ZSCAN21: variants seen among roughly 807,000 people sequenced by gnomAD.
The protein encoded by ZSCAN21 is zinc finger and SCAN domain-containing protein 21.
A neutral mutation model predicts 35.6 loss-of-function variants in ZSCAN21; 26 were observed. That is an observed-to-expected ratio of 0.73 (90% CI 0.54 to 1.01). The LOEUF is 1.01. Ranked by LOEUF, ZSCAN21 falls within the 50% of genes least tolerant of loss-of-function variation. The pLI, the probability that ZSCAN21 is intolerant of heterozygous loss-of-function variation, is 0.00. For synonymous variants in ZSCAN21, 219 were observed against 219.3 expected (o/e 1.00, Z 0.01); for missense variants, 593 against 587.1 (o/e 1.01, Z -0.10).
At position 100,057,167 on chromosome 7, in the gene ZSCAN21, A is replaced by G. The variant is rs1460332312; in HGVS notation, c.161A>G (p.His54Arg). 2.5e-6 allele frequency: 4 copies of G among 1,613,912 alleles called. No homozygotes were observed. The highest frequency in any genetic ancestry group is 3.4e-6 in the Non-Finnish European group (4 of 1,180,038). Reference protein sequence around the residue: ...FRQRFRQFGYHDTPGPREALS... With the variant: ...FRQRFRQFGYRDTPGPREALS... ...CAGCGCTTCAGGCAGTTTGGGTACC[A>G]TGATACCCCTGGACCCCGAGAGGCC... is the stretch of plus-strand genomic sequence containing the variant. The change falls in exon 2 of 4, where the codon CAT (histidine) becomes CGT (arginine). Residue 54 changes from histidine (H) to arginine (R), a missense_variant. Coordinates refer to ENST00000292450, the MANE Select transcript of ZSCAN21 (RefSeq NM_145914.3).
chr7:100,057,143 A>G lies in ZSCAN21; in HGVS notation c.137A>G (p.Gln46Arg), dbSNP rs750102855. Residue 46 changes from glutamine (Q) to arginine (R), a missense_variant, in exon 2 of 4, where the codon CAG becomes CGG. Physicochemically the swap from Gln to Arg is conservative, Grantham distance 43 (BLOSUM62 1). Coordinates refer to ENST00000292450, the MANE Select transcript of ZSCAN21 (RefSeq NM_145914.3). ...CTTCCTAGCCTGGAGATGTTCCGCC[A>G]GCGCTTCAGGCAGTTTGGGTACCAT... ...KYLPSLEMFR[Q>R]RFRQFGYHDT... The G allele has an allele frequency of 1.5e-4, 249 of 1,614,010 alleles. No homozygotes were observed. Among genetic ancestry groups the G allele is most frequent in the Non-Finnish European group, 2.0e-4 (241 of 1,180,050 alleles).
In ZSCAN21 at chr7:100,057,739, G is replaced by C. The variant is rs774821493; in HGVS notation, c.441G>C (p.Lys147Asn). 6.2e-7 allele frequency: 1 copy of C among 1,613,788 alleles called. No homozygotes were observed. Among genetic ancestry groups the C allele is most frequent in the Non-Finnish European group, 8.5e-7 (1 of 1,179,876 alleles). The change falls in exon 3 of 4, where the codon AAG becomes AAC. Residue 147 changes from lysine (K) to asparagine (N), a missense_variant. Physicochemically the swap from Lys to Asn is moderately conservative, Grantham distance 94. Coordinates refer to ENST00000292450, the MANE Select transcript of ZSCAN21 (RefSeq NM_145914.3). ...ACGAACAGAAACCGGTGTGGGAGAA[G>C]ATATCCTCCTCAGGAACTGCAAAGG... The part of the protein sequence containing the change: ...PPNEQKPVWE[K>N]ISSSGTAKES...
Position 100,057,857 on chromosome 7 carries a change from C to T in ZSCAN21, c.559C>T (p.Gln187Ter), listed in dbSNP as rs768026021. ...GTACATCCAAGAGTCTGGTGAGGAG[C>T]AGGAGTTCGCTCAAGATCCAAGAAA... ...PLYIQESGEE[Q>*]EFAQDPRKVR... Residue 187 changes from glutamine (Q) to a stop codon, truncating the protein, a stop_gained, in exon 3 of 4, where the codon CAG (glutamine) becomes TAG (stop). Transcript: ENST00000292450. LOFTEE classifies it high-confidence loss of function. 3 of 1,611,848 alleles carry T rather than the reference C, an allele frequency of 1.9e-6. No homozygotes were observed. Among genetic ancestry groups the T allele is most frequent in the Admixed American group, 3.4e-5 (2 of 59,612 alleles).
At position 100,064,429 on chromosome 7, in the gene ZSCAN21, G is replaced by A. The variant is rs767375996; in HGVS notation, c.1234G>A (p.Gly412Arg). Residue 412 changes from glycine (G) to arginine (R), a missense_variant, in exon 4 of 4, where the codon GGA becomes AGA. Physicochemically the swap from Gly to Arg is moderately radical, Grantham distance 125 (BLOSUM62 -2). Transcript: ENST00000292450. ...GLSSHQRLHT[G>R]EKPYKCKECG... ...CAGCTCCCACCAGAGACTCCACACC[G>A]GAGAGAAGCCATATAAGTGTAAGGA... is the stretch of plus-strand genomic sequence containing the variant. 24 of 1,613,854 alleles carry A rather than the reference G, an allele frequency of 1.5e-5. No homozygotes were observed. The highest frequency in any genetic ancestry group is 1.9e-5 in the Non-Finnish European group (22 of 1,180,016).
Position 100,052,866 on chromosome 7 carries a change from C to T in ZSCAN21, c.-97+3025C>T, listed in dbSNP as rs1386239265. ...ATGTACCACCGGGCGTGGTGGCTCA[C>T]GCCTGTAATCCCAGCACTCTGCGAG... On this transcript the variant is annotated intron_variant, in intron 1 of 3. Transcript: ENST00000292450. Among the ~76,000 whole-genome samples, 6 of 152,226 alleles carry T rather than the reference C, an allele frequency of 3.9e-5. No individual in the cohort carries two copies. The East Asian group carries it at 1.2e-3, about 29-fold the overall frequency.
chr7:100,060,290 A>G (rs1275662330), intron 3 of ZSCAN21, among the ~76,000 whole-genome samples: 3 of 152,098 alleles, frequency 2.0e-5, no homozygotes, highest in South Asian at 4.2e-4. Context: ...GAGGGCAGAC[A>G]TGATGGCTCA....
At position 100,057,234 on chromosome 7, in the gene ZSCAN21, C is replaced by G. The variant is rs201288133; in HGVS notation, c.228C>G (p.Pro76=). The change falls in exon 2 of 4, where the codon CCC becomes CCG. Residue 76 remains proline (P), a synonymous_variant. Coordinates refer to ENST00000292450, the MANE Select transcript of ZSCAN21 (RefSeq NM_145914.3). The stretch of plus-strand genomic sequence containing the variant: ...TGCTCTGCTGTGAGTGGCTGAGGCC[C>G]GAGATCCACACCAAGGAGCAGATCC... ...LRVLCCEWLR[P]EIHTKEQILE... 1.9e-6 allele frequency: 3 copies of G among 1,613,778 alleles called. No homozygotes were observed. Among genetic ancestry groups the G allele is most frequent in the Middle Eastern group, 1.7e-4 (1 of 5,940 alleles).
Position 100,057,001 on chromosome 7 carries a change from G to A in ZSCAN21, c.-6G>A. ...CATCTTTGGTGAGGCTGTTTCTGGA[G>A]TTTACATGATGACCAAGGTACTAGG... On this transcript the variant is annotated 5_prime_UTR_variant, in exon 2 of 4. Coordinates refer to ENST00000292450, the MANE Select transcript of ZSCAN21 (RefSeq NM_145914.3). 6 of 1,582,026 alleles carry A rather than the reference G, an allele frequency of 3.8e-6. No homozygotes were observed. The highest frequency in any genetic ancestry group is 5.2e-6 in the Non-Finnish European group (6 of 1,162,880).
chr7:100,061,966 G>T (rs559267884), intron 3 of ZSCAN21, among the ~76,000 whole-genome samples: 2 of 152,292 alleles, frequency 1.3e-5, no homozygotes, highest in African/African-American at 4.8e-5. Context: ...AAGATAAACT[G>T]GTTCCATCTG....
chr7:100,054,023 T>C (rs1268484254), intron 1 of ZSCAN21, among the ~76,000 whole-genome samples: 2 of 151,530 alleles, frequency 1.3e-5, no homozygotes, highest in South Asian at 2.1e-4. Flanking sequence ...TTTTAAATAT[T>C]CTAAAGAATG....
At chr7:100,051,290 T>C (rs1157480507) in intron 1 of ZSCAN21, among the ~76,000 whole-genome samples, 4 of 60,178 alleles carry the variant, frequency 6.6e-5, no homozygotes, top group African/African-American at 1.1e-4. Flanking sequence ...TTCTTTTTTT[T>C]TTTTTTTTTT....
Position 100,064,185 on chromosome 7 carries a change from C to T in ZSCAN21, c.990C>T (p.Asp330=). ...TCCACTACAGAACACACTTGGTGGA[C>T]CGGCCCTATGACTGTAAGTGTGGAA... ...LTLHYRTHLV[D]RPYDCKCGKA... Residue 330 remains aspartate, a synonymous_variant, in exon 4 of 4, where the codon GAC becomes GAT. Coordinates refer to ENST00000292450, the MANE Select transcript of ZSCAN21 (RefSeq NM_145914.3). 6.2e-7 allele frequency: 1 copy of T among 1,614,088 alleles called. No individual in the cohort carries two copies. Among genetic ancestry groups the T allele is most frequent in the Non-Finnish European group, 8.5e-7 (1 of 1,180,018 alleles).
intron 1 of ZSCAN21, among the ~76,000 whole-genome samples, chr7:100,051,277 A>ATTTTTTTTT (rs1376849857): frequency 1.1e-4 from 5 of 45,102 alleles, no homozygotes; most frequent in Non-Finnish European, 1.3e-4. Context: ...GGATCTAGGG[A>ATTTTTTTTT]TTTTCTTTTT....
chr7:100,063,457 C>T (rs541913059), intron 3 of ZSCAN21, among the ~76,000 whole-genome samples: 28 of 152,130 alleles, frequency 1.8e-4, no homozygotes, highest in African/African-American at 6.3e-4. Context: ...CAAAAAATAG[C>T]TGGGTGTGGT....
Position 100,063,889 on chromosome 7 carries a change from A to G in ZSCAN21, c.694A>G (p.Lys232Glu), listed in dbSNP as rs1441697452. 6.2e-7 allele frequency: 1 copy of G among 1,614,174 alleles called. No individual in the cohort carries two copies. Among genetic ancestry groups the G allele is most frequent in the African/African-American group, 1.3e-5 (1 of 75,060 alleles). Reference sequence around the variant, plus strand: ...TATAATTTCTGTGATTATCGCCAATAAACCTGAGGCCAGCTTAGAGAGGCA... The same window carrying G: ...TATAATTTCTGTGATTATCGCCAATGAACCTGAGGCCAGCTTAGAGAGGCA... ...GDIISVIIANKPEASLERQCV... is the reference protein window; with the variant it reads ...GDIISVIIANEPEASLERQCV... Residue 232 changes from lysine (K) to glutamate (E), a missense_variant, in exon 4 of 4, where the codon AAA (lysine) becomes GAA (glutamate). Lys to Glu is a moderately conservative substitution (Grantham distance 56). Transcript: ENST00000292450.
At chr7:100,051,784 C>T (rs1791890121) in intron 1 of ZSCAN21, among the ~76,000 whole-genome samples, 3 of 152,054 alleles carry the variant, frequency 2.0e-5, no homozygotes, top group South Asian at 4.1e-4. Flanking sequence ...GGAAAATGGA[C>T]ACAGAACAAG....
rs755978112 is a variant in ZSCAN21 at position 100,053,546 on chromosome 7, A to ATACATACATACATACATAAT, written c.-96-3364_-96-3363insACATACATACATACATAATT. Among the ~76,000 whole-genome samples the ATACATACATACATACATAAT allele has an allele frequency of 3.0e-3, 241 of 79,518 alleles. 4 individuals are homozygous for ATACATACATACATACATAAT. The highest frequency in any genetic ancestry group is 0.013 in the African/African-American group (224 of 17,834). The allele number at this position is 79,518 out of a possible 152,430, so 52.2% of individuals were successfully genotyped here. A position where few individuals can be genotyped will look rare whatever the true frequency, so the allele number is the denominator to read the frequency against. On this transcript the variant is annotated intron_variant, in intron 1 of 3. Transcript: ENST00000292450. ...ACATACATACATACATACATACATA[A>ATACATACATACATACATAAT]TTTTTTTTTTTTTTTTTTTTTTGCA...
chr7:100,055,733 CT>C (rs1364963973), intron 1 of ZSCAN21, among the ~76,000 whole-genome samples: 1 of 151,258 alleles, frequency 6.6e-6, no homozygotes, highest in African/African-American at 2.4e-5. Flanking sequence ...CTCCACGTCC[CT>C]GGTTCAGGCC....
chr7:100,055,921 C>T (rs1178929991), intron 1 of ZSCAN21, among the ~76,000 whole-genome samples: 1 of 145,692 alleles, frequency 6.9e-6, no homozygotes, highest in Non-Finnish European at 1.5e-5. Context: ...GGATTACAGG[C>T]GTGAGCCACC....
Sources: gnomAD v4.1 joint callset for allele counts (sites outside exome capture counted in the v4.1 genomes callset) on GRCh38, gnomAD v4.1.1 for gene constraint, MANE v1.5 for transcripts, NCBI Gene and HGNC (gene_info 2026-07-23, HGNC 2026-07-21) for gene names.